Variants in FRMPD4 observed in about 807,000 individuals in gnomAD.
FRMPD4 encodes the protein FERM and PDZ domain containing 4.
A neutral mutation model predicts 94.1 loss-of-function variants in FRMPD4; 22 were observed. The ratio of observed to expected loss-of-function variants is 0.23; its 90% confidence interval spans 0.17 to 0.33. FRMPD4 has a LOEUF of 0.33. Ranked by LOEUF, FRMPD4 falls within the 10% of genes least tolerant of loss-of-function variation. The pLI is 1.00. For missense variants in FRMPD4, 1,111 were observed against 1,339.9 expected (o/e 0.83, Z 2.67); for synonymous variants, 631 against 548.6 (o/e 1.15, Z -2.10).
Position 12,188,729 on chromosome X carries a change from C to G in FRMPD4, c.41+49717C>G, listed in dbSNP as rs2056454982. On this transcript the variant is annotated intron_variant, in intron 1 of 16. Coordinates refer to ENST00000675598, the MANE Select transcript of FRMPD4 (RefSeq NM_001368397.1). ...GTCCAGCTTATGTTTTGCCAGCTGT[C>G]TCTTTCCTGGTGTGTAGACATAACC... Among the ~76,000 whole-genome samples the G allele has an allele frequency of 3.6e-5, 4 of 111,823 alleles. No homozygotes were observed. The South Asian group carries it at 1.5e-3, about 41-fold the overall frequency.
intron 3 of FRMPD4, among the ~76,000 whole-genome samples, chrX:11,881,068 A>G (rs2053811254): frequency 1.8e-5 from 2 of 112,601 alleles, no homozygotes; most frequent in African/African-American, 6.5e-5. Context: ...ATGAAGACAA[A>G]GTTACAATGA....
At chrX:12,200,572 C>T (rs5935264) in intron 1 of FRMPD4, among the ~76,000 whole-genome samples, 25,676 of 110,415 alleles carry the variant, frequency 0.23, 2,429 homozygotes, top group Non-Finnish European at 0.31. Flanking sequence ...GGGTTCAAGC[C>T]ATCCTCCCAC....
At chrX:11,966,905 G>A (rs1226313987) in intron 3 of FRMPD4, among the ~76,000 whole-genome samples, 1 of 111,312 alleles carries the variant, frequency 9.0e-6, no homozygotes, top group Non-Finnish European at 1.9e-5. Flanking sequence ...ACATTTCTGG[G>A]TGGCCACACT....
At chrX:12,155,846 GT>G (rs1454478480) in intron 1 of FRMPD4, among the ~76,000 whole-genome samples, 2 of 110,945 alleles carry the variant, frequency 1.8e-5, no homozygotes, top group East Asian at 5.7e-4. Flanking sequence ...CCCACCACCT[GT>G]TTTTTTAAAA....
At chrX:11,901,359 T>C (rs1039066830) in intron 3 of FRMPD4, among the ~76,000 whole-genome samples, 1 of 112,350 alleles carries the variant, frequency 8.9e-6, no homozygotes. Flanking sequence ...TATTTGGTTT[T>C]CCATTCCTGA....
intron 1 of FRMPD4, among the ~76,000 whole-genome samples, chrX:12,473,224 G>A (rs916084408): frequency 1.1e-4 from 12 of 109,631 alleles, no homozygotes; most frequent in Non-Finnish European, 2.3e-4. Context: ...ACCTTCATAA[G>A]TGAAGGAGAA....
intron 1 of FRMPD4, among the ~76,000 whole-genome samples, chrX:12,238,380 C>A (rs1017340589): frequency 1.8e-5 from 2 of 111,509 alleles, no homozygotes; most frequent in Non-Finnish European, 1.9e-5. Context: ...CCACCCCTCT[C>A]CGCCCCGACC....
intron 3 of FRMPD4, among the ~76,000 whole-genome samples, chrX:12,126,542 C>T (rs1473889351): frequency 9.0e-6 from 1 of 111,240 alleles, no homozygotes; most frequent in Non-Finnish European, 1.9e-5. Flanking sequence ...ACATCACAGG[C>T]AGACTGGACT....
chrX:12,299,628 C>CT (rs1344540713), intron 1 of FRMPD4, among the ~76,000 whole-genome samples: 1 of 109,390 alleles, frequency 9.1e-6, no homozygotes. Flanking sequence ...GGTTATGGAA[C>CT]TTCCTAGTAC....
intron 3 of FRMPD4, among the ~76,000 whole-genome samples, chrX:12,028,740 G>T (rs185901416): frequency 9.0e-6 from 1 of 111,539 alleles, no homozygotes; most frequent in Admixed American, 9.5e-5. Flanking sequence ...GCAGTATATA[G>T]CCTTCTCAGA....
At chrX:12,411,080 A>C (rs1253667439) in intron 1 of FRMPD4, among the ~76,000 whole-genome samples, 2 of 111,635 alleles carry the variant, frequency 1.8e-5, no homozygotes. Context: ...TGTTCAAACA[A>C]CTGTGCCATC....
chrX:12,159,212 T>C (rs2055984341), intron 1 of FRMPD4, among the ~76,000 whole-genome samples: 1 of 112,437 alleles, frequency 8.9e-6, no homozygotes, highest in African/African-American at 3.2e-5. Flanking sequence ...AGCATGCAGC[T>C]TCAAAGACAT....
At chrX:12,413,552 G>C (rs1194210546) in intron 1 of FRMPD4, among the ~76,000 whole-genome samples, 2 of 112,042 alleles carry the variant, frequency 1.8e-5, no homozygotes, top group African/African-American at 3.2e-5. Context: ...TGTGAGTCTG[G>C]TTTGAGAGCC....
intron 2 of FRMPD4, among the ~76,000 whole-genome samples, chrX:12,560,477 GAAAAAAAAA>G (rs199808235): frequency 1.1e-4 from 9 of 82,854 alleles, no homozygotes; most frequent in South Asian, 6.7e-4. Context: ...CTTTAAAAAT[GAAAAAAAAA>G]AAAAAAAAAA....
At chrX:12,199,194 C>T (rs1416517596) in intron 1 of FRMPD4, among the ~76,000 whole-genome samples, 1 of 108,013 alleles carries the variant, frequency 9.3e-6, no homozygotes. Flanking sequence ...ACTAACATTT[C>T]TTTATTCTAT....
intron 1 of FRMPD4, among the ~76,000 whole-genome samples, chrX:11,864,485 T>C (rs753037300): frequency 1.3e-4 from 15 of 111,208 alleles, no homozygotes; most frequent in African/African-American, 4.9e-4. Flanking sequence ...GCATGCACAA[T>C]TGTACAGTAG....
intron 1 of FRMPD4, among the ~76,000 whole-genome samples, chrX:12,481,162 G>C (rs5935354): frequency 0.14 from 15,620 of 110,235 alleles, 871 homozygotes; most frequent in African/African-American, 0.17. Flanking sequence ...CAGTGATGTC[G>C]CATGTGAGGC....
At chrX:11,896,814 T>C (rs946191280) in intron 3 of FRMPD4, among the ~76,000 whole-genome samples, 3 of 111,525 alleles carry the variant, frequency 2.7e-5, no homozygotes, top group African/African-American at 9.8e-5. Flanking sequence ...TAAACTGGTG[T>C]TTCTCAAACC....
chrX:12,139,738 T>G, intron 1 of FRMPD4, among the ~76,000 whole-genome samples: 1 of 111,777 alleles, frequency 8.9e-6, no homozygotes, highest in Non-Finnish European at 1.9e-5. Flanking sequence ...CTCCTCCAGG[T>G]CTTCTGCCCT....
Sources: gnomAD v4.1 joint callset for allele counts (sites outside exome capture counted in the v4.1 genomes callset) on GRCh38, gnomAD v4.1.1 for gene constraint, MANE v1.5 for transcripts, NCBI Gene and HGNC (gene_info 2026-07-23, HGNC 2026-07-21) for gene names.